The following GC variants were observed in gnomAD, a reference collection of about 807,000 sequenced individuals.
GC encodes the protein GC vitamin D binding protein, also known as vitamin D-binding protein.
A neutral mutation model predicts 56.7 loss-of-function variants in GC; 43 were observed. The observed-to-expected ratio is 0.76, with a 90% CI of 0.59 to 0.98. The LOEUF (loss-of-function observed/expected upper bound fraction) is 0.98. Ranked by LOEUF, GC falls within the 50% of genes least tolerant of loss-of-function variation. The pLI, the probability that GC is intolerant of heterozygous loss-of-function variation, is 0.00. For missense variants in GC, 529 were observed against 545.9 expected (o/e 0.97, Z 0.31); for synonymous variants, 216 against 202.7 (o/e 1.07, Z -0.56).
intron 11 of GC, among the ~76,000 whole-genome samples, chr4:71,750,840 T>A (rs1204437664): frequency 6.6e-6 from 1 of 152,016 alleles, no homozygotes; most frequent in Non-Finnish European, 1.5e-5. Flanking sequence ...AGCCAAGATC[T>A]CACCACTGCA....
Position 71,754,472 on chromosome 4 carries a change from C to T in GC, c.1201G>A (p.Asp401Asn). 1 of 1,588,642 alleles carries T rather than the reference C, an allele frequency of 6.3e-7. No homozygotes were observed. The highest frequency in any genetic ancestry group is 8.6e-7 in the Non-Finnish European group (1 of 1,157,906). The change falls in exon 10 of 13, where the codon GAC becomes AAC. Residue 401 changes from aspartate (D) to asparagine (N), a missense_variant. Coordinates refer to ENST00000273951, the MANE Select transcript of GC (RefSeq NM_000583.4). Reference sequence around the variant, plus strand: ...TCTGCACATAGTTCTTGTCCCTTGTCAATGAAAGAAGATAGTTCCTTCTTT... The same window carrying T: ...TCTGCACATAGTTCTTGTCCCTTGTTAATGAAAGAAGATAGTTCCTTCTTT... Reference protein sequence around the residue: ...LLKKELSSFIDKGQELCADYS... With the variant: ...LLKKELSSFINKGQELCADYS...
At chr4:71,794,403 A>G (rs1178141533) in intron 1 of GC, among the ~76,000 whole-genome samples, 1 of 152,062 alleles carries the variant, frequency 6.6e-6, no homozygotes, top group Non-Finnish European at 1.5e-5. Flanking sequence ...ATGTGTCCAG[A>G]AATTTATCCA....
chr4:71,784,863 C>T (rs1335553884), upstream of GC, among the ~76,000 whole-genome samples: 5 of 151,498 alleles, frequency 3.3e-5, no homozygotes, highest in African/African-American at 1.2e-4. Context: ...TCAGAGAGGC[C>T]CTGTAGGACA....
chr4:71,788,628 A>T (rs1385436819), upstream of GC, among the ~76,000 whole-genome samples: 2 of 135,936 alleles, frequency 1.5e-5, no homozygotes, highest in African/African-American at 5.6e-5. Context: ...AAATGATTTT[A>T]TCTTCTGCTT....
intron 1 of GC, among the ~76,000 whole-genome samples, chr4:71,778,348 T>C (rs574316971): frequency 2.6e-5 from 4 of 152,110 alleles, no homozygotes; most frequent in African/African-American, 9.6e-5. Flanking sequence ...CTTTAGGTAG[T>C]GTTAAACCTC....
chr4:71,803,922 G>A, intron 1 of GC: 1 of 1,488,088 alleles, frequency 6.7e-7, no homozygotes, highest in Non-Finnish European at 9.1e-7. Context: ...TTAGAACGCA[G>A]TACCTCACTC....
chr4:71,796,724 T>A (rs1743115387), intron 1 of GC, among the ~76,000 whole-genome samples: 2 of 152,218 alleles, frequency 1.3e-5, no homozygotes, highest in Admixed American at 1.3e-4. Context: ...GGAGCTGCAA[T>A]CCTTTGGAGG....
chr4:71,773,377 A>G (rs1231156729), intron 1 of GC, among the ~76,000 whole-genome samples: 1 of 152,046 alleles, frequency 6.6e-6, no homozygotes, highest in Non-Finnish European at 1.5e-5. Flanking sequence ...ATTTTCAGGA[A>G]ATCTTTGCTG....
intron 11 of GC, among the ~76,000 whole-genome samples, chr4:71,748,684 C>T (rs1741454691): frequency 6.6e-6 from 1 of 152,000 alleles, no homozygotes; most frequent in Non-Finnish European, 1.5e-5. Context: ...TCTAAGAGTG[C>T]CATGGTAAAG....
At chr4:71,762,665 G>A (rs577075305) in intron 6 of GC, among the ~76,000 whole-genome samples, 25 of 152,222 alleles carry the variant, frequency 1.6e-4, no homozygotes, top group Non-Finnish European at 2.9e-4. Flanking sequence ...AATTATTGGG[G>A]TGGGTCTTTC....
At chr4:71,784,317 A>G (rs1276766713), upstream of GC, 4 of 1,082,664 alleles carry the variant, frequency 3.7e-6, no homozygotes, top group Non-Finnish European at 4.5e-6. Context: ...GCCAAGGTAT[A>G]TAGATTATTT....
rs762419363 is a variant in GC, at chr4:71,765,433, G to A, written c.472C>T (p.Gln158Ter). 6.2e-7 allele frequency: 1 copy of A among 1,610,574 alleles called. No homozygotes were observed. Among genetic ancestry groups the A allele is most frequent in the South Asian group, 1.1e-5 (1 of 90,958 alleles). ...TCTATTTATGATGAAGGCACTCACTGATTAGCATATTCCTTTGGATCTTTC... is the reference window on the plus strand; with the variant it reads ...TCTATTTATGATGAAGGCACTCACTAATTAGCATATTCCTTTGGATCTTTC... The part of the protein sequence containing the change: ...FRKDPKEYAN[Q>*]FMWEYSTNYG... Residue 158 changes from glutamine (Q) to a stop codon, truncating the protein, a stop_gained and splice_region_variant, in exon 4 of 13, where the codon CAA becomes TAA. Coordinates refer to ENST00000273951, the MANE Select transcript of GC (RefSeq NM_000583.4). LOFTEE classifies it high-confidence loss of function.
chr4:71,798,340 A>G (rs1041976055), intron 1 of GC, among the ~76,000 whole-genome samples: 6 of 152,242 alleles, frequency 3.9e-5, no homozygotes, highest in Admixed American at 2.0e-4. Context: ...CTGTTGACTG[A>G]TTTTTATCTG....
At chr4:71,761,310 CT>C (rs1443019659) in intron 6 of GC, among the ~76,000 whole-genome samples, 1 of 152,074 alleles carries the variant, frequency 6.6e-6, no homozygotes, top group Non-Finnish European at 1.5e-5. Flanking sequence ...GAACTTTGAA[CT>C]TGAGGAAAAT....
chr4:71,805,333 T>C (rs1743339021), upstream of GC, among the ~76,000 whole-genome samples: 1 of 152,322 alleles, frequency 6.6e-6, no homozygotes, highest in African/African-American at 2.4e-5. Flanking sequence ...GACTGGGCAG[T>C]CACTTTACCT....
upstream of GC, among the ~76,000 whole-genome samples, chr4:71,785,544 T>TA (rs1560710990): frequency 1.3e-5 from 2 of 151,686 alleles, no homozygotes; most frequent in African/African-American, 4.8e-5. Flanking sequence ...GTTCAGAAAA[T>TA]AGAGTCCAGC....
intron 6 of GC, chr4:71,759,375 G>T (rs1055036594): frequency 1.3e-5 from 2 of 152,158 alleles, no homozygotes; most frequent in Non-Finnish European, 2.9e-5. Flanking sequence ...TTTCCATAAT[G>T]ATTGAACCAC....
intron 12 of GC, among the ~76,000 whole-genome samples, chr4:71,745,733 T>A (rs1383263607): frequency 6.6e-6 from 1 of 152,216 alleles, no homozygotes; most frequent in East Asian, 1.9e-4. Flanking sequence ...GTAATAATAT[T>A]TCAACAGTAT....
exon 1 of GC, chr4:71,803,944 C>T (rs76781122): frequency 2.7e-6 from 4 of 1,505,474 alleles, no homozygotes; most frequent in Non-Finnish European, 3.6e-6. Flanking sequence ...AAGACCACAG[C>T]ATTTCCTACC....
Sources: gnomAD v4.1 joint callset for allele counts (sites outside exome capture counted in the v4.1 genomes callset) on GRCh38, gnomAD v4.1.1 for gene constraint, MANE v1.5 for transcripts, NCBI Gene and HGNC (gene_info 2026-07-23, HGNC 2026-07-21) for gene names.